The following FDFT1 variants were observed in gnomAD, a reference collection of about 807,000 sequenced individuals.
The protein encoded by FDFT1 is farnesyl-diphosphate farnesyltransferase 1.
Under a neutral mutation model 46.8 loss-of-function variants are expected in FDFT1, and 68 were observed. The ratio of observed to expected loss-of-function variants is 1.45; its 90% confidence interval spans 1.19 to 1.78. FDFT1 has a LOEUF of 1.78. Among genes scored for constraint, FDFT1 ranks in the 40% most tolerant of loss-of-function variants. FDFT1 has a pLI of 0.00. For missense variants in FDFT1, 928 were observed against 524.4 expected (o/e 1.77, Z -7.52); for synonymous variants, 351 against 185.1 (o/e 1.90, Z -7.28).
At chr8:11,833,638 C>T (rs955391064) in intron 7 of FDFT1, among the ~76,000 whole-genome samples, 14 of 152,184 alleles carry the variant, frequency 9.2e-5, no homozygotes, top group Non-Finnish European at 1.6e-4. Flanking sequence ...CTACAGTTGG[C>T]TGAGCCCTGT....
chr8:11,813,317 A>G (rs752888568), intron 3 of FDFT1, among the ~76,000 whole-genome samples: 16 of 152,244 alleles, frequency 1.1e-4, no homozygotes, highest in Non-Finnish European at 2.4e-4. Context: ...CCTTATTTTT[A>G]AATGATAATA....
At chr8:11,834,788 G>A (rs986005321) in intron 7 of FDFT1, among the ~76,000 whole-genome samples, 1 of 152,206 alleles carries the variant, frequency 6.6e-6, no homozygotes, top group East Asian at 1.9e-4. Flanking sequence ...CATTGCACAA[G>A]AGCTTATTTC....
intron 3 of FDFT1, among the ~76,000 whole-genome samples, chr8:11,810,227 G>C (rs1372485058): frequency 6.6e-6 from 1 of 152,174 alleles, no homozygotes; most frequent in Non-Finnish European, 1.5e-5. Context: ...TTCTTCCTGT[G>C]GGAAGACGCA....
chr8:11,815,017 T>C (rs1326491391), intron 3 of FDFT1, among the ~76,000 whole-genome samples: 1 of 152,166 alleles, frequency 6.6e-6, no homozygotes, highest in Non-Finnish European at 1.5e-5. Flanking sequence ...ATCCCTCCCT[T>C]GGCCCCCCAC....
intron 1 of FDFT1, chr8:11,808,383 G>A: frequency 8.1e-7 from 1 of 1,235,404 alleles, no homozygotes; most frequent in Non-Finnish European, 1.0e-6. Context: ...GGGCTGCGGG[G>A]CTGCGGGGCG....
At position 11,829,700 on chromosome 8, in the gene FDFT1, A is replaced by G. The variant is rs117979640; in HGVS notation, c.703-544A>G. On this transcript the variant is annotated intron_variant, in intron 5 of 7. Transcript: ENST00000220584. ...GTTGTCCCTCGGGACATGCTCCCCAATACGTAACTCACTTCCAGGTTGCAA... is the reference window on the plus strand; with the variant it reads ...GTTGTCCCTCGGGACATGCTCCCCAGTACGTAACTCACTTCCAGGTTGCAA... Among the ~76,000 whole-genome samples, 782 of 152,310 alleles carry G rather than the reference A, an allele frequency of 5.1e-3. 8 individuals are homozygous for G. Among genetic ancestry groups the G allele is most frequent in the Admixed American group, 7.8e-3 (119 of 15,306 alleles).
upstream of FDFT1, chr8:11,802,601 G>A: frequency 1.7e-6 from 1 of 595,056 alleles, no homozygotes; most frequent in Non-Finnish European, 3.1e-6. Context: ...TAGTGTGAGC[G>A]GCCCTGGCCA....
rs1488975368 is a variant in FDFT1 at position 11,808,381 on chromosome 8, G to C, written c.100-413G>C. ...GCGGGAGGCCGGGGGCGGGGCTGCG[G>C]GGCTGCGGGGCGGGCCCGTTGTGGG... On this transcript the variant is annotated intron_variant, in intron 1 of 7. Coordinates refer to ENST00000220584, the MANE Select transcript of FDFT1 (RefSeq NM_004462.5). 2.0e-5 allele frequency: 25 copies of C among 1,235,800 alleles called. No homozygotes were observed. In the South Asian group the frequency reaches 6.7e-4, roughly 33 times the overall value. 76.6% of individuals were successfully genotyped at this position (1,235,800 alleles called of 1,614,324 possible).
At chr8:11,797,351 G>A (rs1006654714), upstream of FDFT1, among the ~76,000 whole-genome samples, 1 of 152,186 alleles carries the variant, frequency 6.6e-6, no homozygotes, top group Non-Finnish European at 1.5e-5. Context: ...GGACACCTAA[G>A]TCAGACTGAG....
chr8:11,820,618 G>C (rs1809098399), intron 3 of FDFT1, among the ~76,000 whole-genome samples: 1 of 152,182 alleles, frequency 6.6e-6, no homozygotes, highest in African/African-American at 2.4e-5. Context: ...ATCCCAGCTT[G>C]ATCTCAGACT....
In FDFT1 at chr8:11,838,890, C is replaced by T; in HGVS notation, c.*281C>T. ...TGCCACGGTTTAGGTGAAGTCGCTG[C>T]ATATGTGACTGTCATGAGATCCTAC... On this transcript the variant is annotated 3_prime_UTR_variant, in exon 8 of 8. Coordinates refer to ENST00000220584, the MANE Select transcript of FDFT1 (RefSeq NM_004462.5). 2 of 431,220 alleles carry T rather than the reference C, an allele frequency of 4.6e-6. No homozygotes were observed. Among genetic ancestry groups the T allele is most frequent in the Non-Finnish European group, 4.2e-6 (1 of 237,066 alleles). The allele number at this position is 431,220 out of a possible 1,614,324, so 26.7% of individuals were successfully genotyped here.
At chr8:11,801,733 G>A (rs1411541834), upstream of FDFT1, 1 of 317,116 alleles carries the variant, frequency 3.2e-6, no homozygotes, top group Non-Finnish European at 6.2e-6. Context: ...TTGCTCTGTT[G>A]GCCTGGCTGG....
At chr8:11,826,258 T>G in intron 5 of FDFT1, 43 bp downstream of exon 5, 2 of 1,390,960 alleles carry the variant, frequency 1.4e-6, no homozygotes, top group South Asian at 1.6e-5. Context: ...ACTTTAGACA[T>G]TCTCTGAAAA....
intron 3 of FDFT1, among the ~76,000 whole-genome samples, chr8:11,815,350 A>G (rs889182471): frequency 1.3e-5 from 2 of 152,142 alleles, no homozygotes; most frequent in African/African-American, 4.8e-5. Flanking sequence ...GTGTCTTCAT[A>G]GTTGGACGAG....
At chr8:11,827,956 C>G (rs1169067869) in intron 5 of FDFT1, among the ~76,000 whole-genome samples, 3 of 151,942 alleles carry the variant, frequency 2.0e-5, no homozygotes, top group East Asian at 1.9e-4. Flanking sequence ...AATCCCAGCA[C>G]TTTGGGAAGC....
Position 11,802,949 on chromosome 8 carries a change from G to T in FDFT1, c.99+18G>T. The T allele has an allele frequency of 6.3e-7, 1 of 1,584,824 alleles. No homozygotes were observed. Among genetic ancestry groups the T allele is most frequent in the Non-Finnish European group, 8.6e-7 (1 of 1,164,836 alleles). The stretch of plus-strand genomic sequence containing the variant: ...TGGACCAGGTGGGCCGAGCCTCCCT[G>T]CTTGCCCGGGGCGGGGAAGGAGCTC... On this transcript the variant is annotated intron_variant, in intron 1 of 7. Coordinates refer to ENST00000220584, the MANE Select transcript of FDFT1 (RefSeq NM_004462.5).
rs555594322 is a variant in FDFT1 at position 11,834,165 on chromosome 8, T to C, written c.1032+2495T>C. 5.9e-5 allele frequency among the ~76,000 whole-genome samples: 9 copies of C among 152,294 alleles called. No homozygotes were observed. The South Asian group carries it at 1.5e-3, about 25-fold the overall frequency. On this transcript the variant is annotated intron_variant, in intron 7 of 7. Coordinates refer to ENST00000220584, the MANE Select transcript of FDFT1 (RefSeq NM_004462.5). ...CTTAGTGTTGTAGCGAGCATGCACC[T>C]GGAAGGGACTTGCCAGAGGACCTCC...
chr8:11,805,676 A>G (rs951135367), intron 1 of FDFT1, among the ~76,000 whole-genome samples: 3 of 152,220 alleles, frequency 2.0e-5, no homozygotes, highest in African/African-American at 7.2e-5. Flanking sequence ...TTTGGCTCAG[A>G]ATCACTTGGC....
chr8:11,797,443 G>A (rs2686188), upstream of FDFT1, among the ~76,000 whole-genome samples: 1 of 151,958 alleles, frequency 6.6e-6, no homozygotes, highest in African/African-American at 2.4e-5. Flanking sequence ...AGCTCCTTGG[G>A]TGTGGAACCT....
Sources: gnomAD v4.1 joint callset for allele counts (sites outside exome capture counted in the v4.1 genomes callset) on GRCh38, gnomAD v4.1.1 for gene constraint, MANE v1.5 for transcripts, NCBI Gene and HGNC (gene_info 2026-07-23, HGNC 2026-07-21) for gene names.